Variants in ACVR1C observed in about 807,000 individuals in gnomAD.
ACVR1C encodes activin A receptor type 1C.
In ACVR1C, 23 loss-of-function variants were observed where a neutral mutation model predicts 57.9. The ratio of observed to expected loss-of-function variants is 0.40; its 90% CI spans 0.29 to 0.56. ACVR1C has a LOEUF of 0.56. Among genes scored for constraint, ACVR1C ranks in the 20% least tolerant of loss-of-function variants. The pLI, the probability that ACVR1C is intolerant of heterozygous loss-of-function variation, is 0.50. For missense variants in ACVR1C, 480 were observed against 607.9 expected (o/e 0.79, Z 2.21); for synonymous variants, 214 against 215.3 (o/e 0.99, Z 0.05).
intron 1 of ACVR1C, among the ~76,000 whole-genome samples, chr2:157,601,334 A>T (rs1231539689): frequency 2.0e-5 from 3 of 151,916 alleles, no homozygotes; most frequent in East Asian, 1.9e-4. Context: ...AAATAAAAAT[A>T]AAAAAAATAA....
At position 157,533,802 on chromosome 2, in the gene ACVR1C, T is replaced by C. The variant is rs1362532087; in HGVS notation, c.*116A>G. 9.3e-7 allele frequency: 1 copy of C among 1,076,884 alleles called. No homozygotes were observed. Among genetic ancestry groups the C allele is most frequent in the South Asian group, 2.5e-5 (1 of 39,642 alleles). The allele number at this position is 1,076,884 out of a possible 1,614,324, so 66.7% of individuals were successfully genotyped here. On this transcript the variant is annotated 3_prime_UTR_variant, in exon 9 of 9. Transcript: ENST00000243349. ...TCATGCTGCCTTATGGGCACTTAAA[T>C]ACTGTACTGTCTTATCTTTGAGGTA...
chr2:157,584,836 C>A (rs758289437), intron 2 of ACVR1C, among the ~76,000 whole-genome samples: 1 of 152,052 alleles, frequency 6.6e-6, no homozygotes, highest in Non-Finnish European at 1.5e-5. Flanking sequence ...TCTGAATGCA[C>A]GTCAATGGAT....
intron 2 of ACVR1C, among the ~76,000 whole-genome samples, chr2:157,573,527 C>A (rs941268448): frequency 6.6e-6 from 1 of 151,636 alleles, no homozygotes; most frequent in Non-Finnish European, 1.5e-5. Flanking sequence ...AACAAAGATA[C>A]CTGAAATTTG....
intron 2 of ACVR1C, among the ~76,000 whole-genome samples, chr2:157,566,789 C>G (rs1046649773): frequency 6.6e-6 from 1 of 152,022 alleles, no homozygotes; most frequent in Non-Finnish European, 1.5e-5. Flanking sequence ...GGGGGAGGGG[C>G]GCCCGCCATT....
At chr2:157,566,872 A>C (rs550976691) in intron 2 of ACVR1C, among the ~76,000 whole-genome samples, 6 of 151,974 alleles carry the variant, frequency 3.9e-5, no homozygotes, top group East Asian at 1.9e-4. Flanking sequence ...CCACAGCTCA[A>C]GGAGGCCTGC....
chr2:157,556,276 G>C lies in ACVR1C; in HGVS notation c.361C>G (p.Pro121Ala), dbSNP rs144533211. ...GCAGCTATGGACAGGAGGCAAACAG[G>C]CACAGTAATAATGATGGCCAGCTCC... ...PMELAIIITV[P>A]VCLLSIAAML... is the part of the protein sequence containing the mutation. Residue 121 changes from proline (P) to alanine (A), a missense_variant, in exon 3 of 9, where the codon CCT (proline) becomes GCT (alanine). Coordinates refer to ENST00000243349, the MANE Select transcript of ACVR1C (RefSeq NM_145259.3). 3.5e-4 allele frequency: 567 copies of C among 1,614,166 alleles called. No individual in the cohort carries two copies. The highest frequency in any genetic ancestry group is 4.7e-4 in the Non-Finnish European group (549 of 1,180,028).
intron 1 of ACVR1C, among the ~76,000 whole-genome samples, chr2:157,599,279 G>A (rs1172310645): frequency 7.2e-6 from 1 of 139,612 alleles, no homozygotes; most frequent in Non-Finnish European, 1.5e-5. Flanking sequence ...GCTCGCAGTG[G>A]GCCAAGATGG....
At chr2:157,538,135 G>A (rs1687531834) in intron 8 of ACVR1C, among the ~76,000 whole-genome samples, 1 of 152,118 alleles carries the variant, frequency 6.6e-6, no homozygotes, top group African/African-American at 2.4e-5. Context: ...ACAAGTTCTG[G>A]TAGGAGCCAT....
intron 2 of ACVR1C, among the ~76,000 whole-genome samples, chr2:157,575,033 C>G (rs899686982): frequency 3.3e-5 from 5 of 152,154 alleles, no homozygotes; most frequent in Non-Finnish European, 7.3e-5. Context: ...GCAATCATAG[C>G]TCACTGCAGC....
intron 4 of ACVR1C, among the ~76,000 whole-genome samples, chr2:157,548,559 T>A (rs1236332334): frequency 1.3e-5 from 2 of 151,318 alleles, no homozygotes; most frequent in African/African-American, 4.9e-5. Context: ...CAAAACAGCA[T>A]GGTACTGGTA....
intron 1 of ACVR1C, among the ~76,000 whole-genome samples, chr2:157,615,649 T>A (rs188384202): frequency 1.7e-3 from 262 of 152,312 alleles, no homozygotes; most frequent in Non-Finnish European, 2.5e-3. Context: ...GTGCTGGGAT[T>A]ACATAAGTTC....
intron 5 of ACVR1C, 33 bp from the exon 6 acceptor site, chr2:157,542,895 T>G: frequency 6.2e-7 from 1 of 1,602,994 alleles, no homozygotes. Context: ...TTCATTTTTT[T>G]CTTTACCGGA....
Position 157,540,168 on chromosome 2 carries a change from CTAAG to C in ACVR1C, c.1225+918_1225+921del, listed in dbSNP as rs139178523. On this transcript the variant is annotated intron_variant, in intron 7 of 8. Coordinates refer to ENST00000243349, the MANE Select transcript of ACVR1C (RefSeq NM_145259.3). ...CATTTTACAGATGAGAAAATTACAA[CTAAG>C]TAACTTGCCTGAAATCAGACATTCA... 6.3e-3 allele frequency among the ~76,000 whole-genome samples: 964 copies of C among 152,240 alleles called. 11 individuals are homozygous for C. The highest frequency in any genetic ancestry group is 0.022 in the African/African-American group (902 of 41,534).
At chr2:157,540,405 G>A (rs1344248797) in intron 7 of ACVR1C, among the ~76,000 whole-genome samples, 1 of 151,334 alleles carries the variant, frequency 6.6e-6, no homozygotes, top group African/African-American at 2.4e-5. Context: ...TTGTTGCCCA[G>A]GCTGGAGTGC....
intron 1 of ACVR1C, among the ~76,000 whole-genome samples, chr2:157,612,164 G>A (rs755900640): frequency 6.6e-6 from 1 of 152,150 alleles, no homozygotes; most frequent in Non-Finnish European, 1.5e-5. Context: ...CCCAAACAGG[G>A]AGCTCTTAGG....
At chr2:157,600,708 T>TA (rs1682259618) in intron 1 of ACVR1C, among the ~76,000 whole-genome samples, 1 of 152,098 alleles carries the variant, frequency 6.6e-6, no homozygotes. Context: ...CTGATCTAGC[T>TA]AAAAATAGAG....
At chr2:157,592,619 C>T (rs999438063) in intron 1 of ACVR1C, among the ~76,000 whole-genome samples, 5 of 152,062 alleles carry the variant, frequency 3.3e-5, no homozygotes, top group African/African-American at 1.2e-4. Flanking sequence ...TAACATACGA[C>T]ATACTCAGCC....
Position 157,628,781 on chromosome 2 carries a change from C to T in ACVR1C, c.-137G>A. On this transcript the variant is annotated 5_prime_UTR_variant, in exon 1 of 9. Coordinates refer to ENST00000243349, the MANE Select transcript of ACVR1C (RefSeq NM_145259.3). ...ACACCCTTTTGAAGTGCGCGGTTGG[C>T]TCTAGTCAGTGTGGGCGCCCCCCTC... The T allele has an allele frequency of 1.4e-6, 1 of 692,804 alleles. No individual in the cohort carries two copies. Among genetic ancestry groups the T allele is most frequent in the Non-Finnish European group, 2.2e-6 (1 of 457,172 alleles). The allele number at this position is 692,804 out of a possible 1,614,324, so 42.9% of individuals were successfully genotyped here. A position where few individuals can be genotyped will look rare whatever the true frequency, so the allele number is the denominator to read the frequency against.
At chr2:157,554,201 G>GAGAGAGAAAGAA (rs1553481316) in intron 3 of ACVR1C, among the ~76,000 whole-genome samples, 13 of 41,446 alleles carry the variant, frequency 3.1e-4, no homozygotes, top group African/African-American at 1.1e-3. Context: ...ATAAAGAAGA[G>GAGAGAGAAAGAA]AGAAAGAAAG....
Sources: allele counts gnomAD v4.1 joint callset (sites outside exome capture counted in the v4.1 genomes callset), GRCh38; gene constraint gnomAD v4.1.1; transcripts MANE v1.5; gene names NCBI Gene and HGNC (gene_info 2026-07-23, HGNC 2026-07-21).